Variants in ATP8B4 observed in about 807,000 individuals in gnomAD.
The protein encoded by ATP8B4 is ATPase phospholipid transporting 8B4 (putative), also known as probable phospholipid-transporting ATPase IM.
In ATP8B4, 133 loss-of-function variants were observed where a neutral mutation model predicts 145.6. That is an observed-to-expected ratio of 0.91 (90% CI 0.79 to 1.05). ATP8B4 has a LOEUF of 1.05. Ranked by LOEUF, ATP8B4 falls within the 50% of genes least tolerant of loss-of-function variation. The pLI, the probability that ATP8B4 is intolerant of heterozygous loss-of-function variation, is 0.00. For synonymous variants in ATP8B4, 507 were observed against 492.9 expected (o/e 1.03, Z -0.38); for missense variants, 1,458 against 1,425.2 (o/e 1.02, Z -0.37).
intron 23 of ATP8B4, among the ~76,000 whole-genome samples, chr15:49,884,355 A>G (rs959075347): frequency 1.3e-5 from 2 of 152,008 alleles, no homozygotes; most frequent in Non-Finnish European, 2.9e-5. Flanking sequence ...TAATCCCAAC[A>G]CTTTGGGGGT....
At chr15:49,891,380 CAGT>C (rs1430115067) in intron 23 of ATP8B4, among the ~76,000 whole-genome samples, 1 of 152,056 alleles carries the variant, frequency 6.6e-6, no homozygotes, top group Non-Finnish European at 1.5e-5. Context: ...GGCTGGAATG[CAGT>C]GGTGTGATCT....
At chr15:49,975,986 A>G (rs542477865) in intron 12 of ATP8B4, among the ~76,000 whole-genome samples, 77 of 152,268 alleles carry the variant, frequency 5.1e-4, no homozygotes, top group African/African-American at 1.8e-3. Flanking sequence ...AAAGTGAGAA[A>G]GTTGGGCTAG....
intron 6 of ATP8B4, among the ~76,000 whole-genome samples, chr15:50,024,504 G>A (rs2153584208): frequency 6.6e-6 from 1 of 152,306 alleles, no homozygotes; most frequent in Admixed American, 6.5e-5. Context: ...CAGTGTGAAA[G>A]GGGAAAGCAT....
chr15:49,895,448 G>T (rs879698604), intron 23 of ATP8B4: 6 of 152,270 alleles, frequency 3.9e-5, no homozygotes, highest in Admixed American at 1.3e-4. Context: ...GGTCAACTGG[G>T]ACTAACAATA....
Position 49,858,595 on chromosome 15 carries a change from G to T in ATP8B4, c.*1599C>A, listed in dbSNP as rs1415346447. ...GGGAAATGTAACTTTGTCTGACCAA[G>T]AATTTAATAGGGACCAGATTAAGGA... is the stretch of plus-strand genomic sequence containing the variant. On this transcript the variant is annotated 3_prime_UTR_variant, in exon 28 of 28. Coordinates refer to ENST00000284509, the MANE Select transcript of ATP8B4 (RefSeq NM_024837.4). The T allele has an allele frequency of 6.6e-6, 1 of 152,192 alleles. No homozygotes were observed. Among genetic ancestry groups the T allele is most frequent in the Non-Finnish European group, 1.5e-5 (1 of 68,030 alleles). The allele number at this position is 152,192 out of a possible 1,614,324, so 9.4% of individuals were successfully genotyped here.
At chr15:50,035,828 T>C (rs953000767) in intron 6 of ATP8B4, among the ~76,000 whole-genome samples, 4 of 152,178 alleles carry the variant, frequency 2.6e-5, no homozygotes, top group African/African-American at 7.2e-5. Flanking sequence ...GACTATACCC[T>C]GCCTCCTTCC....
chr15:49,912,417 T>C (rs1343406285), intron 20 of ATP8B4, among the ~76,000 whole-genome samples: 1 of 152,072 alleles, frequency 6.6e-6, no homozygotes. Context: ...CAGGAAAACC[T>C]AGAGGAAATG....
intron 16 of ATP8B4, among the ~76,000 whole-genome samples, chr15:49,925,862 A>C (rs1165136218): frequency 6.6e-6 from 1 of 152,166 alleles, no homozygotes; most frequent in African/African-American, 2.4e-5. Flanking sequence ...AAAGTTAATA[A>C]AATCTAAGTC....
intron 9 of ATP8B4, among the ~76,000 whole-genome samples, chr15:49,994,821 A>G (rs917297238): frequency 6.6e-6 from 1 of 152,132 alleles, no homozygotes; most frequent in African/African-American, 2.4e-5. Context: ...TTAATGCTCA[A>G]CAAGTATTCA....
chr15:49,996,925 A>G (rs1211727555), intron 8 of ATP8B4, among the ~76,000 whole-genome samples, 166 bp from the exon 9 acceptor site: 1 of 152,164 alleles, frequency 6.6e-6, no homozygotes, highest in African/African-American at 2.4e-5. Context: ...GAAAGTAGGC[A>G]GGGCTTCTTG....
intron 6 of ATP8B4, among the ~76,000 whole-genome samples, chr15:50,037,951 C>T (rs540209525): frequency 6.6e-6 from 1 of 152,288 alleles, no homozygotes; most frequent in South Asian, 2.1e-4. Context: ...TTAGCATTTT[C>T]CCTCACATAT....
chr15:49,918,074 C>T (rs1320540991), intron 19 of ATP8B4, among the ~76,000 whole-genome samples: 1 of 152,194 alleles, frequency 6.6e-6, no homozygotes, highest in Non-Finnish European at 1.5e-5. Flanking sequence ...AGAATTTTAA[C>T]ATAGGTGTAT....
chr15:50,028,731 T>G (rs902843896), intron 6 of ATP8B4, among the ~76,000 whole-genome samples: 2 of 152,086 alleles, frequency 1.3e-5, no homozygotes, highest in Non-Finnish European at 2.9e-5. Context: ...GTGGAATAAC[T>G]TTTACTTTTG....
intron 3 of ATP8B4, among the ~76,000 whole-genome samples, chr15:50,063,484 T>G (rs77855107): frequency 0.12 from 18,118 of 152,064 alleles, 1,180 homozygotes; most frequent in African/African-American, 0.16. Flanking sequence ...ATAAAAGGAA[T>G]AGTTTAATGA....
intron 25 of ATP8B4, among the ~76,000 whole-genome samples, chr15:49,874,931 G>A (rs1388319804): frequency 1.3e-5 from 2 of 151,988 alleles, no homozygotes; most frequent in East Asian, 1.9e-4. Flanking sequence ...TAAAAACATG[G>A]CACTGGCACT....
chr15:50,060,467 C>A (rs1408666538), intron 3 of ATP8B4, among the ~76,000 whole-genome samples: 3 of 152,046 alleles, frequency 2.0e-5, no homozygotes, highest in African/African-American at 7.2e-5. Flanking sequence ...AAAGTGATTC[C>A]ATGTTTTATC....
chr15:49,902,066 G>A (rs1474076789), intron 20 of ATP8B4: 4 of 175,094 alleles, frequency 2.3e-5, no homozygotes, highest in Non-Finnish European at 2.4e-5. Context: ...ATGGAAAGAT[G>A]ATGCCCTTAA....
At chr15:49,864,232 A>G (rs2032382427) in intron 26 of ATP8B4, among the ~76,000 whole-genome samples, 1 of 152,216 alleles carries the variant, frequency 6.6e-6, no homozygotes, top group Non-Finnish European at 1.5e-5. Flanking sequence ...GGTGAAGAAC[A>G]TTTTTAAGTG....
At chr15:49,996,547 GC>G in intron 9 of ATP8B4, 129 bp downstream of exon 9, 1 of 707,608 alleles carries the variant, frequency 1.4e-6, no homozygotes, top group Non-Finnish European at 2.3e-6. Flanking sequence ...GAAATTACAG[GC>G]TTTGATGCCT....
Sources: allele counts gnomAD v4.1 joint callset (sites outside exome capture counted in the v4.1 genomes callset), GRCh38; gene constraint gnomAD v4.1.1; transcripts MANE v1.5; gene names NCBI Gene and HGNC (gene_info 2026-07-23, HGNC 2026-07-21).